GALNT5: variants seen among roughly 807,000 people sequenced by gnomAD.
The protein encoded by GALNT5 is UDP-GalNAc:polypeptide N-acetylgalactosaminyltransferase 5.
In GALNT5, 72 loss-of-function variants were observed where a neutral mutation model predicts 85.4. The ratio of observed to expected loss-of-function variants is 0.84; its 90% CI spans 0.70 to 1.03. GALNT5 has a LOEUF of 1.03. Among genes scored for constraint, GALNT5 ranks in the 50% least tolerant of loss-of-function variants. GALNT5 has a pLI of 0.00. For synonymous variants in GALNT5, 404 were observed against 397.0 expected (o/e 1.02, Z -0.21); for missense variants, 1,137 against 1,135.5 (o/e 1.00, Z -0.02).
In GALNT5 at chr2:157,312,874, T is replaced by A. The variant is rs1683606364; in HGVS notation, c.*1526T>A. 6.6e-6 allele frequency: 1 copy of A among 152,162 alleles called. No individual in the cohort carries two copies. The highest frequency in any genetic ancestry group is 2.4e-5 in the African/African-American group (1 of 41,444). The allele number at this position is 152,162 out of a possible 1,614,324, so 9.4% of individuals were successfully genotyped here. ...CATACTATATTCTTGTTAATATGTT[T>A]TTTCTTTTTTTAAATTTAAACTTTT... On this transcript the variant is annotated 3_prime_UTR_variant, in exon 10 of 10. Coordinates refer to ENST00000259056, the MANE Select transcript of GALNT5 (RefSeq NM_014568.3).
chr2:157,298,840 T>C (rs1389803588), intron 5 of GALNT5: 6 of 152,414 alleles, frequency 3.9e-5, no homozygotes, highest in Admixed American at 6.5e-5. Context: ...GTGTCTACTG[T>C]CCTTGGGAAA....
chr2:157,298,904 G>A (rs1464435497), intron 5 of GALNT5: 5 of 151,744 alleles, frequency 3.3e-5, no homozygotes, highest in African/African-American at 1.2e-4. Context: ...GGAGGTTCTA[G>A]TAGAGAGCGC....
intron 1 of GALNT5, among the ~76,000 whole-genome samples, chr2:157,269,408 C>G (rs1456842296): frequency 7.2e-5 from 11 of 152,174 alleles, no homozygotes; most frequent in Admixed American, 7.2e-4. Flanking sequence ...CTTTCCCATC[C>G]TGTAATATTG....
chr2:157,272,614 T>G (rs558336122), intron 1 of GALNT5, among the ~76,000 whole-genome samples: 1 of 152,304 alleles, frequency 6.6e-6, no homozygotes, highest in African/African-American at 2.4e-5. Context: ...CACCTATAAG[T>G]GAGAACACGT....
Position 157,284,365 on chromosome 2 carries a change from T to C in GALNT5, c.1538T>C (p.Leu513Pro). 5.6e-6 allele frequency: 9 copies of C among 1,612,590 alleles called. No individual in the cohort carries two copies. The highest frequency in any genetic ancestry group is 7.6e-6 in the Non-Finnish European group (9 of 1,178,586). Residue 513 changes from leucine (L) to proline (P), a missense_variant, in exon 2 of 10, where the codon CTG (leucine) becomes CCG (proline). By Grantham distance (98) the Leu-to-Pro change is moderately conservative (BLOSUM62 -3). Coordinates refer to ENST00000259056, the MANE Select transcript of GALNT5 (RefSeq NM_014568.3). ...GTGGATGAAGTGTGGTCCACTCTCC[T>C]GAGATCTGTTCACAGTGTCATCAAT... Reference protein sequence around the residue: ...CFVDEVWSTLLRSVHSVINRS... With the variant: ...CFVDEVWSTLPRSVHSVINRS...
intron 9 of GALNT5, among the ~76,000 whole-genome samples, chr2:157,309,469 G>A (rs1021592198): frequency 1.3e-5 from 2 of 152,118 alleles, no homozygotes; most frequent in Admixed American, 6.5e-5. Flanking sequence ...AACAGAATAC[G>A]GAGTCATAAG....
At position 157,278,778 on chromosome 2, in the gene GALNT5, G is replaced by A. The variant is rs574476748; in HGVS notation, c.1455-5504G>A. 1.1e-4 allele frequency among the ~76,000 whole-genome samples: 17 copies of A among 152,258 alleles called. No individual in the cohort carries two copies. In the East Asian group the frequency reaches 2.7e-3, roughly 24 times the overall value. On this transcript the variant is annotated intron_variant, in intron 1 of 9. Coordinates refer to ENST00000259056, the MANE Select transcript of GALNT5 (RefSeq NM_014568.3). Reference sequence around the variant, plus strand: ...TTTAAACATGCTCCTTTAGCTCAGAGAAGTTTGTTATTACCGACCTTCTGA... The same window carrying A: ...TTTAAACATGCTCCTTTAGCTCAGAAAAGTTTGTTATTACCGACCTTCTGA...
chr2:157,273,022 C>G (rs1481992662), intron 1 of GALNT5, among the ~76,000 whole-genome samples: 1 of 152,178 alleles, frequency 6.6e-6, no homozygotes, highest in East Asian at 1.9e-4. Flanking sequence ...TTCTCCACAG[C>G]CTTGACAGCA....
chr2:157,268,039 T>C (rs1682494940), intron 1 of GALNT5, among the ~76,000 whole-genome samples: 1 of 152,224 alleles, frequency 6.6e-6, no homozygotes, highest in South Asian at 2.1e-4. Context: ...CATCAGTGCT[T>C]GGGGAGTGAA....
At chr2:157,311,096 T>A (rs1683559626) in intron 9 of GALNT5, 112 bp from the exon 10 acceptor site, 1 of 864,636 alleles carries the variant, frequency 1.2e-6, no homozygotes, top group African/African-American at 1.7e-5. Flanking sequence ...GAAGAATTCT[T>A]AAAAATCAAA....
chr2:157,289,210 T>C (rs1558898402), intron 3 of GALNT5, among the ~76,000 whole-genome samples: 1 of 152,146 alleles, frequency 6.6e-6, no homozygotes, highest in Non-Finnish European at 1.5e-5. Context: ...GGGTGGAGTG[T>C]CTTAGAAGGG....
chr2:157,258,741 TC>T lies in GALNT5; in HGVS notation c.660del (p.Ser221ValfsTer14). On this transcript the variant is annotated frameshift_variant, in exon 1 of 10. Coordinates refer to ENST00000259056, the MANE Select transcript of GALNT5 (RefSeq NM_014568.3). LOFTEE classifies it high-confidence loss of function. The stretch of plus-strand genomic sequence containing the variant: ...GCTGAAAGGGACTTGAATGTGACCA[TC>T]AGTCTTAGTACTGATAGACCAAAGC... ...LAAERDLNVT[I>X]SLSTDRPKQR... The T allele has an allele frequency of 6.2e-7, 1 of 1,613,948 alleles. No homozygotes were observed. The highest frequency in any genetic ancestry group is 8.5e-7 in the Non-Finnish European group (1 of 1,179,976).
At chr2:157,262,050 T>C (rs571749424) in intron 1 of GALNT5, among the ~76,000 whole-genome samples, 19 of 152,292 alleles carry the variant, frequency 1.2e-4, no homozygotes, top group African/African-American at 4.6e-4. Flanking sequence ...TAAAATTAGC[T>C]GGAGTAGCAT....
intron 1 of GALNT5, among the ~76,000 whole-genome samples, chr2:157,280,397 T>C (rs1028174024): frequency 4.0e-5 from 6 of 151,896 alleles, no homozygotes; most frequent in African/African-American, 1.2e-4. Context: ...AGAGAGAGAT[T>C]TGAGTGATTC....
At chr2:157,308,846 A>C in intron 9 of GALNT5, 118 bp downstream of exon 9, 1 of 739,104 alleles carries the variant, frequency 1.4e-6, no homozygotes, top group South Asian at 2.1e-5. Context: ...TGACCATGGG[A>C]TTATGTAAAA....
intron 1 of GALNT5, among the ~76,000 whole-genome samples, chr2:157,283,232 A>T (rs151191543): frequency 2.0e-5 from 3 of 152,356 alleles, no homozygotes; most frequent in African/African-American, 7.2e-5. Flanking sequence ...TTTGAGGTCG[A>T]CATTGAAATA....
intron 1 of GALNT5, among the ~76,000 whole-genome samples, chr2:157,271,064 A>C (rs1682573003): frequency 6.6e-6 from 1 of 151,950 alleles, no homozygotes; most frequent in South Asian, 2.1e-4. Context: ...TGCAGTGAGC[A>C]GTGATCACGC....
chr2:157,271,568 A>C (rs933545557), intron 1 of GALNT5, among the ~76,000 whole-genome samples: 2 of 152,232 alleles, frequency 1.3e-5, no homozygotes, highest in African/African-American at 4.8e-5. Context: ...TTGGCAACAC[A>C]CAGAATAGAA....
In GALNT5 at chr2:157,258,614, G is replaced by C. The variant is rs759005432; in HGVS notation, c.532G>C (p.Gly178Arg). ...APKTSFIAAK[G>R]TQVVKISVHM... ...AAAGACCTCATTCATAGCAGCAAAA[G>C]GAACTCAGGTAGTCAAAATATCAGT... The change falls in exon 1 of 10, where the codon GGA (glycine) becomes CGA (arginine). Residue 178 changes from glycine (G) to arginine (R), a missense_variant. Transcript: ENST00000259056. 4 of 1,613,678 alleles carry C rather than the reference G, an allele frequency of 2.5e-6. No individual in the cohort carries two copies. In the East Asian group the frequency reaches 8.9e-5, roughly 36 times the overall value.
Sources: gnomAD v4.1 joint callset for allele counts (sites outside exome capture counted in the v4.1 genomes callset) on GRCh38, gnomAD v4.1.1 for gene constraint, MANE v1.5 for transcripts, NCBI Gene and HGNC (gene_info 2026-07-23, HGNC 2026-07-21) for gene names.